ATF6: variants seen among roughly 807,000 people sequenced by gnomAD.
ATF6 encodes cyclic AMP-dependent transcription factor ATF-6 alpha.
ATF6 carries 53 observed loss-of-function variants against 83.6 expected under a neutral mutation model. The ratio of observed to expected loss-of-function variants is 0.63; its 90% CI spans 0.51 to 0.80. ATF6 has a LOEUF of 0.80. ATF6 is among the 30% of genes least tolerant of loss of function. ATF6 has a pLI of 0.00. For synonymous variants in ATF6, 288 were observed against 285.8 expected, an observed-to-expected ratio of 1.01 and a Z score of -0.08; for missense variants, 744 against 797.9, an observed-to-expected ratio of 0.93 and a Z score of 0.81.
At chr1:161,952,392 A>T (rs1260518551) in intron 15 of ATF6, among the ~76,000 whole-genome samples, 1 of 151,920 alleles carries the variant, frequency 6.6e-6, no homozygotes, top group Non-Finnish European at 1.5e-5. Context: ...TGCACTTAAA[A>T]CTGCAAGCTA....
chr1:161,962,466 A>G lies in ATF6; in HGVS notation c.*3812A>G, dbSNP rs574891072. Reference sequence around the variant, plus strand: ...TCAAGCTCTTTGCCACTTTCCTACTATTTTTTGATTCTTGCCATTTTACCA... The same window carrying G: ...TCAAGCTCTTTGCCACTTTCCTACTGTTTTTTGATTCTTGCCATTTTACCA... On this transcript the variant is annotated 3_prime_UTR_variant, in exon 16 of 16. Transcript: ENST00000367942. The G allele has an allele frequency of 2.6e-5, 4 of 152,246 alleles. No homozygotes were observed. The highest frequency in any genetic ancestry group is 2.6e-4 in the Admixed American group (4 of 15,286). The allele number at this position is 152,246 out of a possible 1,614,324, so 9.4% of individuals were successfully genotyped here. A position where few individuals can be genotyped will look rare whatever the true frequency, so the allele number is the denominator to read the frequency against.
intron 11 of ATF6, 60 bp downstream of exon 11, chr1:161,851,895 C>A (rs565154866): frequency 5.7e-6 from 7 of 1,233,870 alleles, no homozygotes; most frequent in Non-Finnish European, 8.3e-6. Context: ...AGTTTTGGAA[C>A]CTAGACAAGT....
chr1:161,912,849 T>C (rs898719241), intron 15 of ATF6, among the ~76,000 whole-genome samples: 19 of 152,198 alleles, frequency 1.2e-4, no homozygotes, highest in African/African-American at 4.6e-4. Context: ...TATTGCATTT[T>C]GTTATATTAC....
At chr1:161,957,550 T>A (rs56291895) in intron 15 of ATF6, among the ~76,000 whole-genome samples, 56 of 152,252 alleles carry the variant, frequency 3.7e-4, no homozygotes, top group African/African-American at 1.3e-3. Flanking sequence ...CAGGGAGTAA[T>A]TTGGTCCTCT....
At chr1:161,917,247 G>C (rs1438410425) in intron 15 of ATF6, among the ~76,000 whole-genome samples, 7 of 152,136 alleles carry the variant, frequency 4.6e-5, no homozygotes, top group Non-Finnish European at 7.3e-5. Flanking sequence ...AAGATAAGAA[G>C]GACAAAATGC....
At chr1:161,771,134 C>T (rs1482822400) in intron 1 of ATF6, among the ~76,000 whole-genome samples, 1 of 152,060 alleles carries the variant, frequency 6.6e-6, no homozygotes, top group African/African-American at 2.4e-5. Context: ...ACCCTCCTCT[C>T]TCCTTCTCTC....
At chr1:161,869,598 T>C (rs1289304227) in intron 14 of ATF6, among the ~76,000 whole-genome samples, 1 of 151,874 alleles carries the variant, frequency 6.6e-6, no homozygotes, top group African/African-American at 2.4e-5. Flanking sequence ...AGAAGAGAGA[T>C]GTTTTAAAAA....
At chr1:161,848,664 G>T (rs1686538611) in intron 10 of ATF6, among the ~76,000 whole-genome samples, 1 of 152,006 alleles carries the variant, frequency 6.6e-6, no homozygotes, top group Admixed American at 6.6e-5. Flanking sequence ...AGAAAGGATG[G>T]TCACCCTATA....
intron 15 of ATF6, among the ~76,000 whole-genome samples, chr1:161,939,852 G>A (rs375031496): frequency 1.3e-3 from 197 of 152,266 alleles, no homozygotes; most frequent in Middle Eastern, 6.8e-3. Context: ...TAGTCTTTAG[G>A]TAGGTAGCTA....
chr1:161,876,655 G>A (rs2101853483), intron 14 of ATF6, among the ~76,000 whole-genome samples: 1 of 152,018 alleles, frequency 6.6e-6, no homozygotes, highest in Admixed American at 6.6e-5. Flanking sequence ...TTGCATAAGC[G>A]ACAAGAAGAT....
At chr1:161,817,047 T>G (rs1685630169) in intron 7 of ATF6, among the ~76,000 whole-genome samples, 1 of 152,268 alleles carries the variant, frequency 6.6e-6, no homozygotes, top group South Asian at 2.1e-4. Context: ...ACTATTATAG[T>G]GTATCTGTTT....
At position 161,958,536 on chromosome 1, in the gene ATF6, C is replaced by T. The variant is rs1393797053; in HGVS notation, c.1895C>T (p.Ser632Leu). ...AGGATCCTCCATATCAAAAGTTCGT[C>T]AGTTCCTCCTTACCTCCGAGATCAG... ...DTRILHIKSSSVPPYLRDQQR... is the reference protein window; with the variant it reads ...DTRILHIKSSLVPPYLRDQQR... Residue 632 changes from serine (S) to leucine (L), a missense_variant, in exon 16 of 16, where the codon TCA becomes TTA. Physicochemically the swap from Ser to Leu is moderately radical, Grantham distance 145. Coordinates refer to ENST00000367942, the MANE Select transcript of ATF6 (RefSeq NM_007348.4). The T allele has an allele frequency of 3.7e-6, 6 of 1,613,728 alleles. No individual in the cohort carries two copies. The highest frequency in any genetic ancestry group is 2.2e-5 in the East Asian group (1 of 44,896).
intron 10 of ATF6, among the ~76,000 whole-genome samples, chr1:161,849,567 G>T (rs1221084800): frequency 6.6e-6 from 1 of 152,090 alleles, no homozygotes; most frequent in South Asian, 2.1e-4. Context: ...CTTTCCTTTT[G>T]TGTTACTATG....
At chr1:161,845,755 G>A (rs906721451) in intron 9 of ATF6, among the ~76,000 whole-genome samples, 2 of 140,470 alleles carry the variant, frequency 1.4e-5, no homozygotes, top group African/African-American at 2.8e-5. Context: ...CAGCCTGGGT[G>A]ACAGAGTGAG....
At chr1:161,856,186 G>A (rs1474039480) in intron 12 of ATF6, among the ~76,000 whole-genome samples, 1 of 152,198 alleles carries the variant, frequency 6.6e-6, no homozygotes, top group Non-Finnish European at 1.5e-5. Context: ...TTATGGAACT[G>A]TTTTCATACA....
At chr1:161,788,790 C>T (rs946224967) in intron 4 of ATF6, among the ~76,000 whole-genome samples, 2 of 152,022 alleles carry the variant, frequency 1.3e-5, no homozygotes, top group African/African-American at 2.4e-5. Flanking sequence ...AATCAGTTTT[C>T]CTAACTGTAT....
chr1:161,768,696 T>A (rs1266139312), intron 1 of ATF6, among the ~76,000 whole-genome samples: 1 of 152,144 alleles, frequency 6.6e-6, no homozygotes, highest in East Asian at 1.9e-4. Flanking sequence ...CCTGAGTCGC[T>A]AGGACTACAG....
chr1:161,921,755 A>G (rs1300510570), intron 15 of ATF6, among the ~76,000 whole-genome samples: 1 of 152,228 alleles, frequency 6.6e-6, no homozygotes, highest in Non-Finnish European at 1.5e-5. Context: ...GTAACGGAAT[A>G]CCAAGTAATT....
At chr1:161,798,034 G>A (rs1685061613) in intron 6 of ATF6, among the ~76,000 whole-genome samples, 1 of 152,034 alleles carries the variant, frequency 6.6e-6, no homozygotes, top group South Asian at 2.1e-4. Context: ...CAACCATCTG[G>A]TCTTTAACAA....
Sources: allele counts gnomAD v4.1 joint callset (sites outside exome capture counted in the v4.1 genomes callset), GRCh38; gene constraint gnomAD v4.1.1; transcripts MANE v1.5; gene names NCBI Gene and HGNC (gene_info 2026-07-23, HGNC 2026-07-21).